The following NRG2 variants were observed in gnomAD, a reference collection of about 807,000 sequenced individuals.
The protein encoded by NRG2 is neuregulin 2.
A neutral mutation model predicts 73.9 loss-of-function variants in NRG2; 27 were observed. The observed-to-expected ratio is 0.37, with a 90% CI of 0.27 to 0.50. The LOEUF (loss-of-function observed/expected upper bound fraction) is 0.50. Among genes scored for constraint, NRG2 ranks in the 20% least tolerant of loss-of-function variants. The probability of loss-of-function intolerance (pLI) is 0.96; values close to 1 mark genes in which losing one functional copy is unlikely to be tolerated. For synonymous variants in NRG2, 532 were observed against 541.0 expected (o/e 0.98, Z 0.23); for missense variants, 1,126 against 1,210.1 (o/e 0.93, Z 1.03).
chr5:140,013,783 C>T (rs1262813514), intron 1 of NRG2, among the ~76,000 whole-genome samples: 2 of 152,160 alleles, frequency 1.3e-5, no homozygotes, highest in Non-Finnish European at 2.9e-5. Flanking sequence ...GAGGTTAGTA[C>T]TCATCTAACT....
chr5:139,994,729 C>CAA (rs375075574), intron 1 of NRG2, among the ~76,000 whole-genome samples: 1 of 152,194 alleles, frequency 6.6e-6, no homozygotes, highest in Non-Finnish European at 1.5e-5. Context: ...CAAGAGAAAT[C>CAA]ACTGTGCACT....
intron 1 of NRG2, among the ~76,000 whole-genome samples, chr5:140,039,429 C>T (rs1761747544): frequency 6.6e-6 from 1 of 152,156 alleles, no homozygotes; most frequent in Non-Finnish European, 1.5e-5. Context: ...AAAGATTTTA[C>T]TCAACTCTAT....
chr5:139,908,818 C>T (rs531923449), intron 1 of NRG2, among the ~76,000 whole-genome samples: 5 of 152,240 alleles, frequency 3.3e-5, no homozygotes, highest in Non-Finnish European at 5.9e-5. Context: ...GAGAGAGTCA[C>T]GAGGCACCCT....
intron 1 of NRG2, among the ~76,000 whole-genome samples, chr5:140,022,779 T>G (rs1760343646): frequency 6.6e-6 from 1 of 152,232 alleles, no homozygotes; most frequent in Non-Finnish European, 1.5e-5. Context: ...AAGTACGTAT[T>G]AAGTGTCACA....
chr5:139,904,588 C>G lies in NRG2; in HGVS notation c.701-17077G>C, dbSNP rs921109665. ...CACCCTCGCCCCCCCTCCACCGGCTCGGGCCGCGGGGGCGTGTGGGCGGCC... is the reference window on the plus strand; with the variant it reads ...CACCCTCGCCCCCCCTCCACCGGCTGGGGCCGCGGGGGCGTGTGGGCGGCC... On this transcript the variant is annotated intron_variant, in intron 1 of 9. Coordinates refer to ENST00000361474, the MANE Select transcript of NRG2 (RefSeq NM_004883.3). This position sits in a 1 kb window ranked among gnomAD's most constrained non-coding sequence, Gnocchi z 6.0. Among the ~76,000 whole-genome samples the G allele has an allele frequency of 2.6e-5, 4 of 152,086 alleles. No homozygotes were observed. Among genetic ancestry groups the G allele is most frequent in the African/African-American group, 4.8e-5 (2 of 41,444 alleles).
At chr5:140,009,194 G>T (rs1483456167) in intron 1 of NRG2, among the ~76,000 whole-genome samples, 1 of 152,168 alleles carries the variant, frequency 6.6e-6, no homozygotes, top group Admixed American at 6.5e-5. Context: ...GAAGAAATCA[G>T]CAGCATCTCA....
In NRG2 at chr5:139,869,163, G is replaced by A. The variant is rs566978474; in HGVS notation, c.1112+2558C>T. ...CAGTATCAGTGACACTGTTTCTTTT[G>A]GCACTGAATTCCAGAAAAACAGGAG... On this transcript the variant is annotated intron_variant, in intron 4 of 9. Coordinates refer to ENST00000361474, the MANE Select transcript of NRG2 (RefSeq NM_004883.3). This position sits in a 1 kb window ranked among gnomAD's most constrained non-coding sequence, Gnocchi z 4.5. Among the ~76,000 whole-genome samples, 3 of 151,916 alleles carry A rather than the reference G, an allele frequency of 2.0e-5. 1 individual carries two copies. The South Asian group carries it at 6.3e-4, about 32-fold the overall frequency.
chr5:139,939,192 G>A (rs1444871786), intron 1 of NRG2, among the ~76,000 whole-genome samples: 1 of 150,202 alleles, frequency 6.7e-6, no homozygotes, highest in Non-Finnish European at 1.5e-5. Context: ...CCTTGGGTTT[G>A]GCAAAGATTT....
At chr5:139,872,302 G>A (rs1581824949) in intron 3 of NRG2, among the ~76,000 whole-genome samples, 2 of 152,346 alleles carry the variant, frequency 1.3e-5, no homozygotes, top group African/African-American at 2.4e-5. Flanking sequence ...CTCTCATGGT[G>A]GACCAGGGAG....
In NRG2 at chr5:139,869,110, C is replaced by T. The variant is rs1762676347; in HGVS notation, c.1112+2611G>A. Among the ~76,000 whole-genome samples, 1 of 152,058 alleles carries T rather than the reference C, an allele frequency of 6.6e-6. No individual in the cohort carries two copies. The highest frequency in any genetic ancestry group is 6.5e-5 in the Admixed American group (1 of 15,280). On this transcript the variant is annotated intron_variant, in intron 4 of 9. Coordinates refer to ENST00000361474, the MANE Select transcript of NRG2 (RefSeq NM_004883.3). This position sits in a 1 kb window ranked among gnomAD's most constrained non-coding sequence, Gnocchi z 4.5. ...TTTGGACTCCCATTTTCAAATCCCC[C>T]TACGTTGTCTTTTTTTAAAACAAAA...
intron 1 of NRG2, among the ~76,000 whole-genome samples, chr5:139,930,715 A>G (rs1752411585): frequency 6.6e-6 from 1 of 152,192 alleles, no homozygotes; most frequent in Non-Finnish European, 1.5e-5. Context: ...AGGAGAAAAC[A>G]AAGGCTATTT....
intron 1 of NRG2, among the ~76,000 whole-genome samples, chr5:139,974,135 A>C (rs943262742): frequency 6.6e-6 from 1 of 152,090 alleles, no homozygotes; most frequent in African/African-American, 2.4e-5. Flanking sequence ...TGCTCTGGAG[A>C]TAAAAATGTT....
At chr5:140,032,740 C>T (rs1299023939) in intron 1 of NRG2, among the ~76,000 whole-genome samples, 3 of 152,086 alleles carry the variant, frequency 2.0e-5, no homozygotes, top group African/African-American at 7.2e-5. Flanking sequence ...GTGTTATATA[C>T]ATAATATAGG....
Position 139,847,337 on chromosome 5 carries a change from C to CT in NRG2, c.*579dup, listed in dbSNP as rs1222678472. On this transcript the variant is annotated 3_prime_UTR_variant, in exon 10 of 10. Transcript: ENST00000361474. ...GGCTTCCCCATTCGGGTAGCTGTGTCTTTATCTCCCCCTGGAAGTTACCCC... is the reference window on the plus strand; with the variant it reads ...GGCTTCCCCATTCGGGTAGCTGTGTCTTTTATCTCCCCCTGGAAGTTACCCC... 3.9e-5 allele frequency: 6 copies of CT among 152,048 alleles called. No individual in the cohort carries two copies. The South Asian group carries it at 1.0e-3, about 26-fold the overall frequency. 9.4% of individuals were successfully genotyped at this position (152,048 alleles called of 1,614,324 possible).
At chr5:139,924,054 G>A (rs750594942) in intron 1 of NRG2, among the ~76,000 whole-genome samples, 5 of 152,168 alleles carry the variant, frequency 3.3e-5, no homozygotes, top group African/African-American at 1.2e-4. Flanking sequence ...AAGATAGCAG[G>A]CAAACCTGGC....
At chr5:140,023,692 C>T (rs1444893415) in intron 1 of NRG2, among the ~76,000 whole-genome samples, 5 of 152,114 alleles carry the variant, frequency 3.3e-5, no homozygotes, top group African/African-American at 4.8e-5. Flanking sequence ...CTCTTACTTC[C>T]TTTTGGAGTC....
At chr5:140,019,409 A>G (rs903195159) in intron 1 of NRG2, 4 of 152,264 alleles carry the variant, frequency 2.6e-5, no homozygotes, top group African/African-American at 9.6e-5. Flanking sequence ...GGAGGGAACA[A>G]CTGGGTAATT....
rs1450469151 is a variant in NRG2 at position 139,848,264 on chromosome 5, T to C, written c.2206A>G (p.Thr736Ala). Residue 736 changes from threonine to alanine, a missense_variant, in exon 10 of 10, where the codon ACG becomes GCG. Coordinates refer to ENST00000361474, the MANE Select transcript of NRG2 (RefSeq NM_004883.3). ...CGCCAGCGCCGGGGCCCCGCCGACG[T>C]CCTGCGGGACGCACCGCGCGCGCGC... ...RPRARGASRR[T>A]SAGPRRWRRS... 2.6e-5 allele frequency: 29 copies of C among 1,116,198 alleles called. No individual in the cohort carries two copies. Among genetic ancestry groups the C allele is most frequent in the Non-Finnish European group, 3.2e-5 (29 of 916,350 alleles). The allele number at this position is 1,116,198 out of a possible 1,614,324, so 69.1% of individuals were successfully genotyped here. A position where few individuals can be genotyped will look rare whatever the true frequency, so the allele number is the denominator to read the frequency against.
chr5:140,028,300 T>C lies in NRG2; in HGVS notation c.700+14070A>G, dbSNP rs528753764. On this transcript the variant is annotated intron_variant, in intron 1 of 9. Coordinates refer to ENST00000361474, the MANE Select transcript of NRG2 (RefSeq NM_004883.3). ...GAACTCTGTACTATTTTTGCAACTT[T>C]CTTGTATTATAATAAGTCTGAAATT... 2.0e-5 allele frequency among the ~76,000 whole-genome samples: 3 copies of C among 152,342 alleles called. No individual in the cohort carries two copies. In the East Asian group the frequency reaches 5.8e-4, roughly 29 times the overall value.
Sources: gnomAD v4.1 joint callset for allele counts (sites outside exome capture counted in the v4.1 genomes callset) on GRCh38, gnomAD v4.1.1 for gene constraint, Gnocchi (gnomAD v3.1) non-coding constraint, MANE v1.5 for transcripts, NCBI Gene and HGNC (gene_info 2026-07-23, HGNC 2026-07-21) for gene names.